The following GOLGA1 variants were observed in gnomAD, a reference collection of about 807,000 sequenced individuals.
GOLGA1 encodes the protein golgin subfamily A member 1.
Under a neutral mutation model 119.7 loss-of-function variants are expected in GOLGA1, and 63 were observed. That is an observed-to-expected ratio of 0.53 (90% CI 0.43 to 0.65). GOLGA1 has a LOEUF of 0.65. Among genes scored for constraint, GOLGA1 ranks in the 30% least tolerant of loss-of-function variants. The probability of loss-of-function intolerance (pLI) is 0.00; values close to 1 mark genes in which losing one functional copy is unlikely to be tolerated. For synonymous variants in GOLGA1, 318 were observed against 333.4 expected, an observed-to-expected ratio of 0.95 and a Z score of 0.50; for missense variants, 798 against 912.8, an observed-to-expected ratio of 0.87 and a Z score of 1.62.
rs1420086477 is a variant in GOLGA1, at chr9:124,888,742, C to T, written c.1762-346G>A. On this transcript the variant is annotated intron_variant, in intron 18 of 22. Transcript: ENST00000373555. This position sits in a 1 kb window ranked among gnomAD's most constrained non-coding sequence, Gnocchi z 4.4. The stretch of plus-strand genomic sequence containing the variant: ...TTGAGACGGAGTCTTGCTCTGTCAC[C>T]CAGGCTGGAGTGCAGTGGCGCAATC... 6.6e-6 allele frequency among the ~76,000 whole-genome samples: 1 copy of T among 152,090 alleles called. No homozygotes were observed. Among genetic ancestry groups the T allele is most frequent in the Non-Finnish European group, 1.5e-5 (1 of 68,020 alleles).
chr9:124,915,567 G>T (rs1455924182), intron 10 of GOLGA1, among the ~76,000 whole-genome samples: 1 of 151,734 alleles, frequency 6.6e-6, no homozygotes, highest in Admixed American at 6.6e-5. Context: ...TGTATTTATG[G>T]TGCTGAGACC....
In GOLGA1 at chr9:124,931,376, G is replaced by A; in HGVS notation, c.166C>T (p.Leu56Phe). ...TTCCTTCTCAGAAGCTGGGATGAAA[G>A]ATCTTCTCTGGAGCTGCTTCCATCG... ...ASDGSSSRED[L>F]SSQLLRRNEQ... The change falls in exon 4 of 23, where the codon CTT becomes TTT. Residue 56 changes from leucine (L) to phenylalanine (F), a missense_variant. Transcript: ENST00000373555. The A allele has an allele frequency of 1.3e-6, 2 of 1,596,772 alleles. No homozygotes were observed. Among genetic ancestry groups the A allele is most frequent in the South Asian group, 1.1e-5 (1 of 90,742 alleles).
intron 10 of GOLGA1, among the ~76,000 whole-genome samples, chr9:124,920,230 C>T (rs1190570753): frequency 6.6e-6 from 1 of 152,034 alleles, no homozygotes; most frequent in Non-Finnish European, 1.5e-5. Flanking sequence ...AGCGATTCTC[C>T]CACCATAGCC....
At chr9:124,882,478 G>T (rs1479005765) in intron 20 of GOLGA1, 32 bp downstream of exon 20, 1 of 1,556,108 alleles carries the variant, frequency 6.4e-7, no homozygotes, top group Admixed American at 1.7e-5. Context: ...GGAGTGCTGG[G>T]AAGTGGGGCC....
rs189569439 is a variant in GOLGA1, at chr9:124,892,048, G to C, written c.1408-1570C>G. Among the ~76,000 whole-genome samples the C allele has an allele frequency of 3.1e-3, 463 of 151,506 alleles. 1 individual carries two copies. Among genetic ancestry groups the C allele is most frequent in the Admixed American group, 6.4e-3 (97 of 15,242 alleles). On this transcript the variant is annotated intron_variant, in intron 15 of 22. Coordinates refer to ENST00000373555, the MANE Select transcript of GOLGA1 (RefSeq NM_002077.4). Reference sequence around the variant, plus strand: ...CAGCTCACTGCAATCTCTGACTCCCGGGTTCAAACAATTCTCCTGCCTCAG... The same window carrying C: ...CAGCTCACTGCAATCTCTGACTCCCCGGTTCAAACAATTCTCCTGCCTCAG...
intron 10 of GOLGA1, among the ~76,000 whole-genome samples, chr9:124,913,841 C>T (rs1564336266): frequency 1.3e-5 from 2 of 152,310 alleles, no homozygotes; most frequent in South Asian, 4.1e-4. Context: ...AGAATCAGAT[C>T]AGGCCTCCTG....
chr9:124,886,742 A>AAC (rs1829729404), intron 19 of GOLGA1, among the ~76,000 whole-genome samples: 2 of 151,918 alleles, frequency 1.3e-5, no homozygotes, highest in Admixed American at 6.6e-5. Context: ...GAGGTGGGGG[A>AAC]ACAGGATATG....
intron 12 of GOLGA1, among the ~76,000 whole-genome samples, chr9:124,906,701 G>C (rs752260607): frequency 4.7e-5 from 7 of 150,282 alleles, no homozygotes; most frequent in Non-Finnish European, 1.0e-4. Context: ...GCAGTGAGCC[G>C]AGATTGTGCC....
At position 124,882,006 on chromosome 9, in the gene GOLGA1, A is replaced by G. The variant is rs539958942; in HGVS notation, c.1966-52T>C. 3.1e-5 allele frequency: 42 copies of G among 1,351,980 alleles called. No homozygotes were observed. The African/African-American group carries it at 6.0e-4, about 19-fold the overall frequency. 83.7% of individuals were successfully genotyped at this position (1,351,980 alleles called of 1,614,324 possible). A position where few individuals can be genotyped will look rare whatever the true frequency, so the allele number is the denominator to read the frequency against. On this transcript the variant is annotated intron_variant, in intron 20 of 22. Transcript: ENST00000373555. Reference sequence around the variant, plus strand: ...CACCGAACCCTCTGAGACAGGTGGAAAAAATCACACGGGAGGTTCACCTGG... The same window carrying G: ...CACCGAACCCTCTGAGACAGGTGGAGAAAATCACACGGGAGGTTCACCTGG...
chr9:124,915,824 C>A (rs1362357423), intron 10 of GOLGA1, among the ~76,000 whole-genome samples: 1 of 149,928 alleles, frequency 6.7e-6, no homozygotes, highest in Non-Finnish European at 1.5e-5. Flanking sequence ...AAATAAATGG[C>A]AGGGCGTGGT....
chr9:124,924,166 T>C (rs891976334), intron 7 of GOLGA1, among the ~76,000 whole-genome samples: 1 of 152,150 alleles, frequency 6.6e-6, no homozygotes, highest in Non-Finnish European at 1.5e-5. Context: ...TTATTTTACA[T>C]GTCTATTCTT....
chr9:124,908,888 C>T (rs543989917), intron 11 of GOLGA1, among the ~76,000 whole-genome samples: 1 of 152,242 alleles, frequency 6.6e-6, no homozygotes, highest in African/African-American at 2.4e-5. Context: ...TCCTCAGAAG[C>T]CAAAATGATG....
intron 4 of GOLGA1, 34 bp from the exon 5 acceptor site, chr9:124,929,324 T>A: frequency 8.0e-7 from 1 of 1,257,560 alleles, no homozygotes; most frequent in Non-Finnish European, 1.2e-6. Context: ...ATACCAGAAA[T>A]GGACAAACAT....
At chr9:124,931,763 G>A (rs1282674300) in intron 3 of GOLGA1, among the ~76,000 whole-genome samples, 1 of 152,082 alleles carries the variant, frequency 6.6e-6, no homozygotes, top group Non-Finnish European at 1.5e-5. Context: ...AGAAGGCGGG[G>A]GTTCTTTAGG....
In GOLGA1 at chr9:124,946,630, C is replaced by T. The variant is rs1831148349; in HGVS notation, c.-156+1288G>A. 1 of 152,162 alleles carries T rather than the reference C, an allele frequency of 6.6e-6. No homozygotes were observed. Among genetic ancestry groups the T allele is most frequent in the African/African-American group, 2.4e-5 (1 of 41,432 alleles). The allele number at this position is 152,162 out of a possible 1,614,324, so 9.4% of individuals were successfully genotyped here. ...GTAACCAAACATTGATACTTGGCAA[C>T]ATTCTATAGGTTCACAAATTGGCAT... On this transcript the variant is annotated intron_variant, in intron 1 of 4. Transcript: ENST00000421514. This position sits in a 1 kb window ranked among gnomAD's most constrained non-coding sequence, Gnocchi z 4.0.
intron 10 of GOLGA1, 102 bp downstream of exon 10, chr9:124,921,027 T>G: frequency 1.5e-5 from 11 of 752,090 alleles, no homozygotes; most frequent in Middle Eastern, 2.4e-4. Flanking sequence ...GTGGACTGCA[T>G]GAGAAATGTA....
At chr9:124,920,241 T>C (rs1830539320) in intron 10 of GOLGA1, among the ~76,000 whole-genome samples, 1 of 149,994 alleles carries the variant, frequency 6.7e-6, no homozygotes, top group Non-Finnish European at 1.5e-5. Context: ...CACCATAGCC[T>C]CCCAAACAGC....
intron 12 of GOLGA1, 55 bp from the exon 13 acceptor site, chr9:124,900,602 C>A (rs1830084106): frequency 2.5e-6 from 2 of 815,340 alleles, no homozygotes; most frequent in Non-Finnish European, 4.1e-6. Context: ...AGAGTGGTAA[C>A]AAATGGCTTT....
chr9:124,937,717 T>C (rs1830905019), intron 3 of GOLGA1, among the ~76,000 whole-genome samples: 1 of 152,136 alleles, frequency 6.6e-6, no homozygotes, highest in Non-Finnish European at 1.5e-5. Context: ...TTTTTAAGCA[T>C]GACATTTCCC....
Sources: gnomAD v4.1 joint callset for allele counts (sites outside exome capture counted in the v4.1 genomes callset) on GRCh38, gnomAD v4.1.1 for gene constraint, Gnocchi (gnomAD v3.1) non-coding constraint, MANE v1.5 for transcripts, NCBI Gene and HGNC (gene_info 2026-07-23, HGNC 2026-07-21) for gene names.